Variants in GABRA4 observed in about 807,000 individuals in gnomAD.
GABRA4 encodes the protein gamma-aminobutyric acid receptor subunit alpha-4.
Under a neutral mutation model 49.7 loss-of-function variants are expected in GABRA4, and 12 were observed. The ratio of observed to expected loss-of-function variants is 0.24; its 90% CI spans 0.15 to 0.39. The LOEUF (loss-of-function observed/expected upper bound fraction) is 0.39. Among genes scored for constraint, GABRA4 ranks in the 10% least tolerant of loss-of-function variants. The pLI, the probability that GABRA4 is intolerant of heterozygous loss-of-function variation, is 1.00. For synonymous variants in GABRA4, 288 were observed against 240.2 expected, an observed-to-expected ratio of 1.20 and a Z score of -1.84; for missense variants, 506 against 686.0, an observed-to-expected ratio of 0.74 and a Z score of 2.93.
At chr4:46,945,712 T>C (rs1721958353) in intron 8 of GABRA4, among the ~76,000 whole-genome samples, 1 of 152,110 alleles carries the variant, frequency 6.6e-6, no homozygotes, top group Non-Finnish European at 1.5e-5. Context: ...AATCTGGTTG[T>C]TAATTTTAAT....
intron 2 of GABRA4, among the ~76,000 whole-genome samples, chr4:46,987,882 G>C (rs566569606): frequency 3.0e-4 from 45 of 152,062 alleles, no homozygotes; most frequent in South Asian, 6.2e-4. Flanking sequence ...AACTCCAATT[G>C]CTTCCAGGTT....
At chr4:46,983,931 G>A (rs751075584) in intron 2 of GABRA4, among the ~76,000 whole-genome samples, 1 of 151,940 alleles carries the variant, frequency 6.6e-6, no homozygotes, top group Non-Finnish European at 1.5e-5. Flanking sequence ...AACAGTTTTT[G>A]GGAAAGAAAG....
chr4:46,952,687 T>G (rs936061418), intron 8 of GABRA4, among the ~76,000 whole-genome samples: 1 of 152,116 alleles, frequency 6.6e-6, no homozygotes, highest in African/African-American at 2.4e-5. Context: ...TGAATAATCT[T>G]ACTCAGTAGC....
intron 8 of GABRA4, among the ~76,000 whole-genome samples, chr4:46,952,871 GA>G (rs1428375845): frequency 1.3e-5 from 2 of 151,936 alleles, no homozygotes; most frequent in East Asian, 3.9e-4. Flanking sequence ...TGAAGTACCA[GA>G]AAAAAACCTT....
At chr4:46,932,784 G>T (rs1343241042) in intron 8 of GABRA4, among the ~76,000 whole-genome samples, 1 of 152,060 alleles carries the variant, frequency 6.6e-6, no homozygotes, top group Middle Eastern at 3.4e-3. Flanking sequence ...TTAAAAAATT[G>T]CCTATACGTA....
At chr4:46,930,833 A>G (rs955000178) in intron 8 of GABRA4, among the ~76,000 whole-genome samples, 3 of 151,728 alleles carry the variant, frequency 2.0e-5, no homozygotes, top group African/African-American at 7.3e-5. Flanking sequence ...CTTAAAACAA[A>G]TGCAAAAAAA....
At chr4:46,955,877 C>G (rs1371465828) in intron 8 of GABRA4, among the ~76,000 whole-genome samples, 1 of 152,096 alleles carries the variant, frequency 6.6e-6, no homozygotes, top group Non-Finnish European at 1.5e-5. Context: ...AATAGCCTGT[C>G]TCTCTTATAA....
intron 2 of GABRA4, among the ~76,000 whole-genome samples, chr4:46,991,585 T>C (rs1250552971): frequency 6.6e-6 from 1 of 152,156 alleles, no homozygotes; most frequent in Admixed American, 6.6e-5. Flanking sequence ...ATAAAGTTGC[T>C]CCATGCTTCT....
chr4:46,924,403 A>G lies in GABRA4; in HGVS notation c.*3822T>C, dbSNP rs983473491. On this transcript the variant is annotated 3_prime_UTR_variant, in exon 9 of 9. Coordinates refer to ENST00000264318, the MANE Select transcript of GABRA4 (RefSeq NM_000809.4). ...TGGCCCTGCTGTATTCTACTGAAGC[A>G]TTAGTTACATCCCATAATTTTTTGT... is the stretch of plus-strand genomic sequence containing the variant. 5 of 152,036 alleles carry G rather than the reference A, an allele frequency of 3.3e-5. No individual in the cohort carries two copies. The highest frequency in any genetic ancestry group is 4.8e-5 in the African/African-American group (2 of 41,420). The allele number at this position is 152,036 out of a possible 1,614,324, so 9.4% of individuals were successfully genotyped here.
At chr4:46,933,069 A>C (rs1380374506) in intron 8 of GABRA4, among the ~76,000 whole-genome samples, 1 of 152,154 alleles carries the variant, frequency 6.6e-6, no homozygotes, top group Non-Finnish European at 1.5e-5. Flanking sequence ...AAGAACAATG[A>C]AGTAAGAGAC....
intron 8 of GABRA4, among the ~76,000 whole-genome samples, chr4:46,952,178 T>A (rs1269607085): frequency 1.3e-5 from 2 of 151,898 alleles, no homozygotes; most frequent in Non-Finnish European, 2.9e-5. Flanking sequence ...GTTATAAAAA[T>A]TGAACTCAAA....
At chr4:46,987,332 G>A (rs1723577723) in intron 2 of GABRA4, among the ~76,000 whole-genome samples, 1 of 152,094 alleles carries the variant, frequency 6.6e-6, no homozygotes, top group African/African-American at 2.4e-5. Context: ...TATTCAAACA[G>A]CACCTTCTTA....
intron 8 of GABRA4, among the ~76,000 whole-genome samples, chr4:46,934,973 C>A (rs1434038006): frequency 1.3e-5 from 2 of 152,154 alleles, no homozygotes; most frequent in African/African-American, 4.8e-5. Flanking sequence ...GCAAAGGACA[C>A]TCCACTCACT....
intron 8 of GABRA4, among the ~76,000 whole-genome samples, chr4:46,946,959 T>C (rs1722003707): frequency 6.6e-6 from 1 of 152,086 alleles, no homozygotes; most frequent in Non-Finnish European, 1.5e-5. Context: ...GGAAGCCTGC[T>C]GGTCTCTTGG....
At chr4:46,979,450 A>C (rs1464327973) in intron 2 of GABRA4, among the ~76,000 whole-genome samples, 2 of 152,090 alleles carry the variant, frequency 1.3e-5, no homozygotes, top group African/African-American at 4.8e-5. Flanking sequence ...TCTAATAAAG[A>C]AGTGAGCTGT....
intron 7 of GABRA4, among the ~76,000 whole-genome samples, chr4:46,970,534 T>C (rs900547534): frequency 6.6e-6 from 1 of 151,364 alleles, no homozygotes; most frequent in Non-Finnish European, 1.5e-5. Context: ...GAAGCCACTA[T>C]AAAAACAAAA....
chr4:46,966,688 T>C (rs1359833798), intron 7 of GABRA4, among the ~76,000 whole-genome samples: 2 of 151,746 alleles, frequency 1.3e-5, no homozygotes, highest in Admixed American at 6.6e-5. Flanking sequence ...TGAAATTCGG[T>C]CTCTTCTAAA....
chr4:46,950,740 T>G (rs1722144256), intron 8 of GABRA4, among the ~76,000 whole-genome samples: 1 of 151,032 alleles, frequency 6.6e-6, no homozygotes, highest in African/African-American at 2.4e-5. Context: ...AATAAATAAA[T>G]AAATAAATTA....
chr4:46,974,206 T>C, intron 6 of GABRA4, 26 bp downstream of exon 6: 1 of 1,591,292 alleles, frequency 6.3e-7, no homozygotes, highest in Admixed American at 1.7e-5. Flanking sequence ...AAGTAGCATG[T>C]CGGCTTTAAT....
Sources: gnomAD v4.1 joint callset for allele counts (sites outside exome capture counted in the v4.1 genomes callset) on GRCh38, gnomAD v4.1.1 for gene constraint, MANE v1.5 for transcripts, NCBI Gene and HGNC (gene_info 2026-07-23, HGNC 2026-07-21) for gene names.